Variants in PLCB1 observed in about 807,000 individuals in gnomAD.
PLCB1 encodes 1-phosphatidylinositol 4,5-bisphosphate phosphodiesterase beta-1.
A neutral mutation model predicts 161.8 loss-of-function variants in PLCB1; 46 were observed. The observed-to-expected ratio is 0.28, with a 90% CI of 0.22 to 0.36. The LOEUF is 0.36. PLCB1 is among the 10% of genes least tolerant of loss of function. The pLI, the probability that PLCB1 is intolerant of heterozygous loss-of-function variation, is 1.00. For synonymous variants in PLCB1, 517 were observed against 503.7 expected, an observed-to-expected ratio of 1.03 and a Z score of -0.35; for missense variants, 1,016 against 1,472.5, an observed-to-expected ratio of 0.69 and a Z score of 5.07.
intron 2 of PLCB1, among the ~76,000 whole-genome samples, chr20:8,353,960 G>A (rs1436801346): frequency 1.3e-5 from 2 of 151,562 alleles, no homozygotes; most frequent in Non-Finnish European, 2.9e-5. Flanking sequence ...GACATACATG[G>A]AAATTCTCTG....
intron 21 of PLCB1, among the ~76,000 whole-genome samples, chr20:8,739,929 C>T (rs755291800): frequency 3.3e-5 from 5 of 152,176 alleles, no homozygotes; most frequent in Non-Finnish European, 7.3e-5. Flanking sequence ...CTTTGGGAGG[C>T]TGAGGCAGGA....
chr20:8,416,929 TACACACACACACACACACACACAC>T (rs56097941), intron 3 of PLCB1, among the ~76,000 whole-genome samples: 1 of 126,400 alleles, frequency 7.9e-6, no homozygotes, highest in Non-Finnish European at 1.6e-5. Flanking sequence ...AGAGACAGAA[TACACACACACACACACACACACAC>T]ACACACACAC....
At chr20:8,169,374 C>G (rs960555901) in intron 2 of PLCB1, among the ~76,000 whole-genome samples, 2 of 152,148 alleles carry the variant, frequency 1.3e-5, no homozygotes, top group African/African-American at 4.8e-5. Flanking sequence ...TCCATTTTCT[C>G]TTCTACAAAC....
At position 8,788,542 on chromosome 20, in the gene PLCB1, A is replaced by G. The variant is rs925090827; in HGVS notation, c.3188+17A>G. 3.0e-5 allele frequency: 49 copies of G among 1,609,286 alleles called. No homozygotes were observed. The highest frequency in any genetic ancestry group is 4.0e-5 in the Non-Finnish European group (47 of 1,176,690). On this transcript the variant is annotated intron_variant, in intron 28 of 31. Coordinates refer to ENST00000338037, the MANE Select transcript of PLCB1 (RefSeq NM_015192.4). ...CTGTGAGAAGTAAGCCCTCATTCCC[A>G]TTACAATTGACATGTGCATCTGAAT...
chr20:8,555,104 C>G (rs1296647822), intron 3 of PLCB1, among the ~76,000 whole-genome samples: 4 of 151,978 alleles, frequency 2.6e-5, no homozygotes, highest in African/African-American at 9.7e-5. Flanking sequence ...AAGCCTTTGT[C>G]TATTTTTCAG....
chr20:8,739,207 T>C, intron 20 of PLCB1, 54 bp from the exon 21 acceptor site: 1 of 1,037,518 alleles, frequency 9.6e-7, no homozygotes, highest in African/African-American at 1.6e-5. Context: ...TTTCTAATTA[T>C]TTCTTGGAAT....
chr20:8,652,147 A>C (rs1325460172), intron 7 of PLCB1: 1 of 152,152 alleles, frequency 6.6e-6, no homozygotes, highest in Non-Finnish European at 1.5e-5. Context: ...TACTATGTTT[A>C]TTATATGTTC....
chr20:8,734,028 TGA>T (rs1980440932), intron 19 of PLCB1, among the ~76,000 whole-genome samples: 1 of 142,364 alleles, frequency 7.0e-6, no homozygotes, highest in Non-Finnish European at 1.5e-5. Flanking sequence ...CTCAAGAGGC[TGA>T]GACAGGAGAA....
At chr20:8,349,897 GA>G (rs1311779531) in intron 2 of PLCB1, among the ~76,000 whole-genome samples, 4 of 151,820 alleles carry the variant, frequency 2.6e-5, no homozygotes, top group Non-Finnish European at 5.9e-5. Flanking sequence ...AGACCCAAAT[GA>G]AAAAAAGAAA....
At chr20:8,637,178 T>G (rs941551182) in intron 4 of PLCB1, among the ~76,000 whole-genome samples, 1 of 152,186 alleles carries the variant, frequency 6.6e-6, no homozygotes, top group Non-Finnish European at 1.5e-5. Flanking sequence ...GGCAGGTTGA[T>G]CTGTTTCACC....
intron 2 of PLCB1, among the ~76,000 whole-genome samples, chr20:8,284,256 A>G (rs139298041): frequency 1.7e-3 from 259 of 152,212 alleles, no homozygotes; most frequent in African/African-American, 6.0e-3. Context: ...TTTTAGCAAT[A>G]CTTTTGAGAT....
At chr20:8,648,668 A>C (rs1341633436) in intron 6 of PLCB1, among the ~76,000 whole-genome samples, 1 of 152,254 alleles carries the variant, frequency 6.6e-6, no homozygotes, top group East Asian at 1.9e-4. Context: ...AGCCAAGCAC[A>C]GTGGCTCATG....
At chr20:8,806,027 G>A (rs1984522210) in intron 31 of PLCB1, among the ~76,000 whole-genome samples, 1 of 152,130 alleles carries the variant, frequency 6.6e-6, no homozygotes. Flanking sequence ...TGGCTAAATT[G>A]TGCCAGAGAT....
chr20:8,710,725 G>T (rs1978962776), intron 12 of PLCB1, among the ~76,000 whole-genome samples: 1 of 151,918 alleles, frequency 6.6e-6, no homozygotes, highest in Admixed American at 6.6e-5. Context: ...TGTTGGTCAG[G>T]CTAGTCTCGA....
intron 19 of PLCB1, among the ~76,000 whole-genome samples, chr20:8,734,126 ACT>A (rs1220441239): frequency 3.2e-4 from 26 of 80,398 alleles, no homozygotes; most frequent in Non-Finnish European, 4.6e-4. Context: ...AGAGAGCGAG[ACT>A]CTGTCTCAAA....
intron 27 of PLCB1, 32 bp downstream of exon 27, chr20:8,774,751 C>T: frequency 1.9e-6 from 3 of 1,543,184 alleles, no homozygotes; most frequent in Non-Finnish European, 2.7e-6. Context: ...TATGTTTGTG[C>T]AACTGGAACT....
chr20:8,482,745 T>C (rs1421854685), intron 3 of PLCB1, among the ~76,000 whole-genome samples: 2 of 152,066 alleles, frequency 1.3e-5, no homozygotes, highest in Non-Finnish European at 1.5e-5. Context: ...AATATAGAAA[T>C]CCAGACTGCT....
intron 2 of PLCB1, among the ~76,000 whole-genome samples, chr20:8,358,453 G>T (rs1986434931): frequency 6.6e-6 from 1 of 151,940 alleles, no homozygotes; most frequent in Non-Finnish European, 1.5e-5. Context: ...GTTTCACCAT[G>T]TTGGCCAGGC....
rs1600225678 is a variant in PLCB1 at position 8,649,591 on chromosome 20, T to C, written c.594+142T>C. 9 of 639,158 alleles carry C rather than the reference T, an allele frequency of 1.4e-5. No homozygotes were observed. The East Asian group carries it at 2.4e-4, about 17-fold the overall frequency. 39.6% of individuals were successfully genotyped at this position (639,158 alleles called of 1,614,324 possible). A position where few individuals can be genotyped will look rare whatever the true frequency, so the allele number is the denominator to read the frequency against. On this transcript the variant is annotated intron_variant, in intron 7 of 31. Transcript: ENST00000338037. ...CTTCCATGATTAATGGGTTAATGAA[T>C]TAATGGATTATCATCGGAGAGGAAC...
Sources: allele counts gnomAD v4.1 joint callset (sites outside exome capture counted in the v4.1 genomes callset), GRCh38; gene constraint gnomAD v4.1.1; transcripts MANE v1.5; gene names NCBI Gene and HGNC (gene_info 2026-07-23, HGNC 2026-07-21).